KSR1: variants seen among roughly 807,000 people sequenced by gnomAD.
The protein encoded by KSR1 is kinase suppressor of ras.
Under a neutral mutation model 92.9 loss-of-function variants are expected in KSR1, and 35 were observed. That is an observed-to-expected ratio of 0.38 (90% CI 0.29 to 0.50). The LOEUF is 0.50. Among genes scored for constraint, KSR1 ranks in the 20% least tolerant of loss-of-function variants. The pLI is 0.94. For missense variants in KSR1, 972 were observed against 1,158.5 expected, an observed-to-expected ratio of 0.84 and a Z score of 2.34; for synonymous variants, 467 against 472.6, an observed-to-expected ratio of 0.99 and a Z score of 0.15.
intron 1 of KSR1, among the ~76,000 whole-genome samples, chr17:27,504,664 C>CGGCA: frequency 6.6e-6 from 1 of 152,064 alleles, no homozygotes; most frequent in East Asian, 1.9e-4. Flanking sequence ...AGCACTGTGG[C>CGGCA]GGGGGGATGC....
intron 1 of KSR1, among the ~76,000 whole-genome samples, chr17:27,457,493 C>G (rs1213271608): frequency 6.6e-6 from 1 of 152,192 alleles, no homozygotes; most frequent in Non-Finnish European, 1.5e-5. Flanking sequence ...CGCTGACTCC[C>G]CCTGCTTCCC....
At chr17:27,603,295 G>A (rs1487382681) in intron 11 of KSR1, among the ~76,000 whole-genome samples, 4 of 152,238 alleles carry the variant, frequency 2.6e-5, no homozygotes, top group Admixed American at 6.5e-5. Flanking sequence ...GAAGCCGAGG[G>A]CTCGGGGCCT....
intron 1 of KSR1, among the ~76,000 whole-genome samples, chr17:27,493,454 G>A (rs1303549249): frequency 2.0e-5 from 3 of 152,128 alleles, no homozygotes; most frequent in Non-Finnish European, 4.4e-5. Flanking sequence ...AGACATTAAC[G>A]ATCAGCTCCG....
At chr17:27,608,036 G>A in intron 15 of KSR1, 26 bp downstream of exon 15, 3 of 1,550,284 alleles carry the variant, frequency 1.9e-6, no homozygotes, top group Non-Finnish European at 2.6e-6. Context: ...GCTGCTGGGG[G>A]TGGGTTTCTG....
chr17:27,483,896 C>CA (rs2068587993), intron 1 of KSR1: 1 of 152,222 alleles, frequency 6.6e-6, no homozygotes, highest in Non-Finnish European at 1.5e-5. Flanking sequence ...AATGCGTCTA[C>CA]AAAAATAGAC....
chr17:27,499,473 C>G (rs1248988273), intron 1 of KSR1, among the ~76,000 whole-genome samples: 1 of 152,210 alleles, frequency 6.6e-6, no homozygotes, highest in Non-Finnish European at 1.5e-5. Context: ...ATTCCAGAAA[C>G]TATAGTCTGC....
At chr17:27,517,259 A>G (rs541682061) in intron 1 of KSR1, among the ~76,000 whole-genome samples, 2 of 152,080 alleles carry the variant, frequency 1.3e-5, no homozygotes, top group South Asian at 2.1e-4. Flanking sequence ...GTGCTCCACA[A>G]CCCCTTATCT....
intron 1 of KSR1, among the ~76,000 whole-genome samples, chr17:27,473,364 C>T (rs1219626107): frequency 6.6e-6 from 1 of 152,160 alleles, no homozygotes; most frequent in Non-Finnish European, 1.5e-5. Flanking sequence ...TCGTTTTTCG[C>T]ATCATTGGAA....
chr17:27,562,351 C>T (rs1208918839), intron 2 of KSR1, among the ~76,000 whole-genome samples: 2 of 152,250 alleles, frequency 1.3e-5, no homozygotes, highest in Non-Finnish European at 2.9e-5. Flanking sequence ...TGGCCCAAGG[C>T]GTCTCAGGAG....
At chr17:27,555,650 G>A (rs1045388438) in intron 2 of KSR1, among the ~76,000 whole-genome samples, 1 of 152,188 alleles carries the variant, frequency 6.6e-6, no homozygotes, top group Non-Finnish European at 1.5e-5. Context: ...AGGGAGCCTG[G>A]TGAGTTATTC....
intron 1 of KSR1, among the ~76,000 whole-genome samples, chr17:27,513,177 A>G (rs1014383782): frequency 2.6e-5 from 4 of 152,164 alleles, no homozygotes; most frequent in Non-Finnish European, 5.9e-5. Flanking sequence ...TTTTCGTTGC[A>G]TGTAGCTGTC....
intron 2 of KSR1, among the ~76,000 whole-genome samples, chr17:27,572,885 C>T (rs1318747976): frequency 6.6e-6 from 1 of 152,178 alleles, no homozygotes; most frequent in Non-Finnish European, 1.5e-5. Context: ...CAGGGGCCTT[C>T]ACAGCCACGC....
chr17:27,511,330 T>G (rs1196292933), intron 1 of KSR1, among the ~76,000 whole-genome samples: 1 of 152,096 alleles, frequency 6.6e-6, no homozygotes, highest in African/African-American at 2.4e-5. Flanking sequence ...GCTCTGGAGG[T>G]GCACTTGCTC....
Position 27,585,661 on chromosome 17 carries a change from G to C in KSR1, c.985G>C (p.Asp329His), listed in dbSNP as rs748421942. The change falls in exon 5 of 21, where the codon GAT (aspartate) becomes CAT (histidine). Residue 329 changes from aspartate to histidine, a missense_variant and splice_region_variant. Transcript: ENST00000644974. ...TCTGCTTTTTGTCTCCTCCAGGTTT[G>C]GTAAGAGAGATTCATTTCCATCCCC... The part of the protein sequence containing the change: ...RIDDVSSMRF[D>H]LSHGSPQMVR... The C allele has an allele frequency of 1.3e-6, 1 of 764,798 alleles. No individual in the cohort carries two copies. Among genetic ancestry groups the C allele is most frequent in the Non-Finnish European group, 2.4e-6 (1 of 410,342 alleles). 47.4% of individuals were successfully genotyped at this position (764,798 alleles called of 1,614,324 possible).
At chr17:27,552,368 A>G (rs1445057615) in intron 2 of KSR1, among the ~76,000 whole-genome samples, 2 of 152,226 alleles carry the variant, frequency 1.3e-5, no homozygotes, top group African/African-American at 4.8e-5. Flanking sequence ...AGATATAAAA[A>G]TAAATACCTA....
At chr17:27,524,868 G>A (rs2070195606) in intron 1 of KSR1, among the ~76,000 whole-genome samples, 15 of 152,204 alleles carry the variant, frequency 9.9e-5, no homozygotes, top group Admixed American at 9.8e-4. Flanking sequence ...GGCAGTGGTG[G>A]TGTGGAGTTC....
intron 19 of KSR1, 187 bp from the exon 20 acceptor site, chr17:27,621,006 T>C: frequency 2.6e-6 from 1 of 392,116 alleles, no homozygotes; most frequent in Non-Finnish European, 4.5e-6. Context: ...ATTCTCACTT[T>C]CTCTTTTCTT....
chr17:27,595,148 C>T (rs1001202490), intron 9 of KSR1, among the ~76,000 whole-genome samples: 1 of 152,188 alleles, frequency 6.6e-6, no homozygotes, highest in Non-Finnish European at 1.5e-5. Context: ...AGCATTTAAC[C>T]CAACTTGGCC....
intron 5 of KSR1, chr17:27,587,350 G>A (rs1205524510): frequency 6.6e-6 from 1 of 152,244 alleles, no homozygotes; most frequent in Non-Finnish European, 1.5e-5. Flanking sequence ...CCCTTCTCAT[G>A]GAGGTTGGTT....
Sources: allele counts gnomAD v4.1 joint callset (sites outside exome capture counted in the v4.1 genomes callset), GRCh38; gene constraint gnomAD v4.1.1; transcripts MANE v1.5; gene names NCBI Gene and HGNC (gene_info 2026-07-23, HGNC 2026-07-21).